Variants in ZNF385D observed in about 807,000 individuals in gnomAD.
ZNF385D encodes the protein zinc finger protein 659.
Under a neutral mutation model 35.8 loss-of-function variants are expected in ZNF385D, and 15 were observed. The observed-to-expected ratio is 0.42, with a 90% CI of 0.28 to 0.64. ZNF385D has a LOEUF of 0.64. ZNF385D is among the 30% of genes least tolerant of loss of function. ZNF385D has a pLI of 0.23. For synonymous variants in ZNF385D, 212 were observed against 186.8 expected, an observed-to-expected ratio of 1.13 and a Z score of -1.10; for missense variants, 474 against 494.6, an observed-to-expected ratio of 0.96 and a Z score of 0.39.
chr3:22,225,890 TGTTTA>T (rs1424461172), intron 2 of ZNF385D, among the ~76,000 whole-genome samples: 8 of 152,180 alleles, frequency 5.3e-5, no homozygotes, highest in African/African-American at 1.7e-4. Context: ...ACATTCAGTG[TGTTTA>T]GTTTAGGTCA....
intron 2 of ZNF385D, among the ~76,000 whole-genome samples, chr3:22,198,174 CAAAAT>C (rs907080024): frequency 2.0e-5 from 3 of 148,236 alleles, no homozygotes; most frequent in African/African-American, 4.9e-5. Flanking sequence ...ACAAGAGTGT[CAAAAT>C]AAACAAAGAA....
rs527678955 is a variant in ZNF385D at position 21,546,706 on chromosome 3, G to A, written c.276+17868C>T. Among the ~76,000 whole-genome samples, 82 of 152,074 alleles carry A rather than the reference G, an allele frequency of 5.4e-4. 1 individual carries two copies. In the South Asian group the frequency reaches 0.016, roughly 30 times the overall value. Reference sequence around the variant, plus strand: ...CTGATTCCTGCCATTTAAGCCAGCCGCAAGCTTCCTGTTTCATGGATAAAG... The same window carrying A: ...CTGATTCCTGCCATTTAAGCCAGCCACAAGCTTCCTGTTTCATGGATAAAG... On this transcript the variant is annotated intron_variant, in intron 3 of 7. Transcript: ENST00000281523.
At chr3:21,660,999 A>G (rs572903416) in intron 2 of ZNF385D, among the ~76,000 whole-genome samples, 26 of 152,306 alleles carry the variant, frequency 1.7e-4, no homozygotes, top group Middle Eastern at 3.4e-3. Context: ...AACAGTGCCC[A>G]GGTATATTAG....
At chr3:21,492,610 T>C (rs888520082) in intron 4 of ZNF385D, among the ~76,000 whole-genome samples, 1 of 151,220 alleles carries the variant, frequency 6.6e-6, no homozygotes, top group Non-Finnish European at 1.5e-5. Context: ...CGGTGAAACC[T>C]CCTCTCCACC....
intron 2 of ZNF385D, among the ~76,000 whole-genome samples, chr3:21,662,250 G>T (rs577934991): frequency 6.6e-6 from 1 of 152,220 alleles, no homozygotes; most frequent in South Asian, 2.1e-4. Flanking sequence ...TGAGAGCCAG[G>T]TGCCTAAAGG....
At chr3:21,847,904 G>A (rs1392763906) in intron 3 of ZNF385D, among the ~76,000 whole-genome samples, 1 of 151,776 alleles carries the variant, frequency 6.6e-6, no homozygotes, top group Non-Finnish European at 1.5e-5. Context: ...GCTGACTATA[G>A]GCACCATGTC....
chr3:21,606,181 A>G (rs1275219731), intron 2 of ZNF385D, among the ~76,000 whole-genome samples: 1 of 152,124 alleles, frequency 6.6e-6, no homozygotes, highest in African/African-American at 2.4e-5. Context: ...TTCTAAGATG[A>G]TACTCAAATC....
chr3:22,321,389 G>A (rs571794391), intron 2 of ZNF385D, among the ~76,000 whole-genome samples: 1 of 151,754 alleles, frequency 6.6e-6, no homozygotes, highest in Non-Finnish European at 1.5e-5. Flanking sequence ...TTTTGAGATG[G>A]AGTTTCACTC....
intron 3 of ZNF385D, among the ~76,000 whole-genome samples, chr3:22,007,803 A>G (rs1204335160): frequency 3.5e-5 from 5 of 142,556 alleles, no homozygotes; most frequent in African/African-American, 2.5e-5. Flanking sequence ...TATGATATAT[A>G]TATTATTTTT....
intron 2 of ZNF385D, among the ~76,000 whole-genome samples, chr3:22,272,954 CT>C (rs1701252166): frequency 6.6e-6 from 1 of 151,826 alleles, no homozygotes; most frequent in Non-Finnish European, 1.5e-5. Flanking sequence ...TTAATGATGA[CT>C]TTTTTCACTT....
intron 2 of ZNF385D, among the ~76,000 whole-genome samples, chr3:22,211,090 C>T (rs563731108): frequency 1.3e-5 from 2 of 151,922 alleles, no homozygotes; most frequent in South Asian, 4.1e-4. Context: ...CTTGTGCTTA[C>T]CCAGCTGAAG....
chr3:21,811,912 A>G (rs2125709774), intron 3 of ZNF385D, among the ~76,000 whole-genome samples: 1 of 152,338 alleles, frequency 6.6e-6, no homozygotes, highest in East Asian at 1.9e-4. Flanking sequence ...CCATTGATCA[A>G]TCTTAACAAC....
At chr3:21,725,534 A>G (rs979186776) in intron 1 of ZNF385D, among the ~76,000 whole-genome samples, 1 of 152,232 alleles carries the variant, frequency 6.6e-6, no homozygotes, top group African/African-American at 2.4e-5. Context: ...ACAAACTACC[A>G]TCAGAGAACA....
intron 2 of ZNF385D, among the ~76,000 whole-genome samples, chr3:22,249,354 G>GA (rs1559478449): frequency 6.6e-6 from 1 of 152,042 alleles, no homozygotes; most frequent in Non-Finnish European, 1.5e-5. Flanking sequence ...CTTAGTAACA[G>GA]AAAATATTTT....
chr3:21,930,779 A>G lies in ZNF385D; in HGVS notation c.325+238038T>C, dbSNP rs138343462. 3.2e-3 allele frequency among the ~76,000 whole-genome samples: 493 copies of G among 152,208 alleles called. 3 individuals are homozygous for G. The highest frequency in any genetic ancestry group is 0.012 in the African/African-American group (483 of 41,536). On this transcript the variant is annotated intron_variant, in intron 3 of 5. Transcript: ENST00000494108. ...TAAGATGCCCATATGCAAAAACATAAATTTAGATCCTTATCTCACACCATA... is the reference window on the plus strand; with the variant it reads ...TAAGATGCCCATATGCAAAAACATAGATTTAGATCCTTATCTCACACCATA...
intron 2 of ZNF385D, among the ~76,000 whole-genome samples, chr3:21,589,164 G>C (rs2063898763): frequency 6.6e-6 from 1 of 152,110 alleles, no homozygotes. Context: ...AGATATAAAT[G>C]GCCATATGTG....
chr3:22,071,022 T>G (rs948335615), intron 3 of ZNF385D, among the ~76,000 whole-genome samples: 10 of 152,086 alleles, frequency 6.6e-5, no homozygotes, highest in African/African-American at 2.4e-4. Flanking sequence ...AGTTGCCAAA[T>G]CTATGAAAAG....
intron 2 of ZNF385D, among the ~76,000 whole-genome samples, chr3:22,349,587 T>G (rs1279789042): frequency 6.6e-6 from 1 of 152,196 alleles, no homozygotes; most frequent in South Asian, 2.1e-4. Flanking sequence ...TTTATAAGAT[T>G]TGACATTTCT....
chr3:22,171,114 G>GGA lies in ZNF385D; in HGVS notation c.107-2080_107-2079insTC, dbSNP rs386396119. Among the ~76,000 whole-genome samples, 10 of 57,902 alleles carry GGA rather than the reference G, an allele frequency of 1.7e-4. No individual in the cohort carries two copies. The South Asian group carries it at 3.4e-3, about 19-fold the overall frequency. The allele number at this position is 57,902 out of a possible 152,430, so 38.0% of individuals were successfully genotyped here. On this transcript the variant is annotated intron_variant, in intron 2 of 5. Transcript: ENST00000494108. ...ATTGCACATGATGACCATTTATTAT[G>GGA]AAAAAATAAATCAATAAATTTCAAA...
Sources: gnomAD v4.1 joint callset for allele counts (sites outside exome capture counted in the v4.1 genomes callset) on GRCh38, gnomAD v4.1.1 for gene constraint, MANE v1.5 for transcripts, NCBI Gene and HGNC (gene_info 2026-07-23, HGNC 2026-07-21) for gene names.